Variants in NEGR1 observed in about 807,000 individuals in gnomAD.
NEGR1 encodes the protein IgLON family member 4.
Under a neutral mutation model 40.9 loss-of-function variants are expected in NEGR1, and 10 were observed. The ratio of observed to expected loss-of-function variants is 0.24; its 90% confidence interval spans 0.15 to 0.42. NEGR1 has a LOEUF of 0.42. NEGR1 is among the 10% of genes least tolerant of loss of function. The pLI is 1.00. For synonymous variants in NEGR1, 185 were observed against 166.8 expected, an observed-to-expected ratio of 1.11 and a Z score of -0.84; for missense variants, 352 against 438.9, an observed-to-expected ratio of 0.80 and a Z score of 1.77.
intron 1 of NEGR1, among the ~76,000 whole-genome samples, chr1:72,028,036 C>T (rs183357308): frequency 6.6e-6 from 1 of 152,322 alleles, no homozygotes; most frequent in East Asian, 1.9e-4. Flanking sequence ...CTGGTCCTGT[C>T]TCCAACCTAT....
At chr1:71,683,972 C>G (rs943185714) in intron 4 of NEGR1, among the ~76,000 whole-genome samples, 8 of 151,962 alleles carry the variant, frequency 5.3e-5, no homozygotes, top group African/African-American at 1.9e-4. Flanking sequence ...TCTGAGGATA[C>G]AAGATTTAAA....
At chr1:71,725,379 C>T (rs1365062894) in intron 3 of NEGR1, among the ~76,000 whole-genome samples, 1 of 152,088 alleles carries the variant, frequency 6.6e-6, no homozygotes, top group Non-Finnish European at 1.5e-5. Flanking sequence ...CTTGATCCGT[C>T]ATTGCAGATA....
At chr1:71,689,234 A>T (rs536022675) in intron 4 of NEGR1, among the ~76,000 whole-genome samples, 3 of 152,340 alleles carry the variant, frequency 2.0e-5, no homozygotes, top group Admixed American at 2.0e-4. Context: ...ATCCAGAATC[A>T]TTTGACTGAA....
chr1:71,638,113 C>T (rs974807978), intron 4 of NEGR1, among the ~76,000 whole-genome samples: 1 of 152,032 alleles, frequency 6.6e-6, no homozygotes, highest in African/African-American at 2.4e-5. Context: ...ATTACACTGA[C>T]AAAATATGGA....
At chr1:72,078,763 C>A (rs2100524021) in intron 1 of NEGR1, among the ~76,000 whole-genome samples, 1 of 151,088 alleles carries the variant, frequency 6.6e-6, no homozygotes, top group Non-Finnish European at 1.5e-5. Context: ...CCTCAGCCTC[C>A]CAAATAGCTG....
intron 1 of NEGR1, among the ~76,000 whole-genome samples, chr1:72,245,079 G>A (rs1280708403): frequency 2.0e-5 from 3 of 151,966 alleles, no homozygotes; most frequent in African/African-American, 7.2e-5. Flanking sequence ...ACCTAAGACA[G>A]GACAACCGTA....
At chr1:72,214,859 A>T (rs907180328) in intron 1 of NEGR1, among the ~76,000 whole-genome samples, 2 of 151,892 alleles carry the variant, frequency 1.3e-5, no homozygotes, top group East Asian at 3.9e-4. Context: ...CGAAAAAAAA[A>T]AAAATACTAA....
At chr1:72,063,657 T>A (rs1175898949) in intron 1 of NEGR1, among the ~76,000 whole-genome samples, 1 of 151,974 alleles carries the variant, frequency 6.6e-6, no homozygotes, top group Non-Finnish European at 1.5e-5. Context: ...GTGTTTTCTA[T>A]GATTTGTGAC....
intron 4 of NEGR1, among the ~76,000 whole-genome samples, chr1:71,674,794 C>A (rs1022983049): frequency 3.3e-5 from 5 of 152,020 alleles, no homozygotes; most frequent in Non-Finnish European, 7.4e-5. Context: ...CTTCTCTGAA[C>A]ATGTTATGTA....
intron 1 of NEGR1, among the ~76,000 whole-genome samples, chr1:72,005,450 T>C (rs1013947700): frequency 1.3e-5 from 2 of 152,150 alleles, no homozygotes; most frequent in Non-Finnish European, 2.9e-5. Flanking sequence ...TTCTTTCTCT[T>C]GACAAATTAT....
intron 1 of NEGR1, among the ~76,000 whole-genome samples, chr1:72,125,331 G>T (rs946208480): frequency 1.3e-4 from 19 of 151,878 alleles, no homozygotes; most frequent in Non-Finnish European, 1.5e-5. Flanking sequence ...AAAATATTTT[G>T]ATTTTAAAAT....
chr1:71,625,026 G>A (rs1368618703), intron 4 of NEGR1, among the ~76,000 whole-genome samples: 1 of 151,966 alleles, frequency 6.6e-6, no homozygotes, highest in Non-Finnish European at 1.5e-5. Flanking sequence ...TGTTATTGGT[G>A]TTTAAAGAAT....
At chr1:71,432,624 A>G (rs991485805) in intron 6 of NEGR1, among the ~76,000 whole-genome samples, 1 of 152,218 alleles carries the variant, frequency 6.6e-6, no homozygotes, top group African/African-American at 2.4e-5. Context: ...CTAAAAATGT[A>G]ACTGCATCTG....
At chr1:71,975,129 T>G (rs1475963779) in intron 1 of NEGR1, among the ~76,000 whole-genome samples, 4 of 152,168 alleles carry the variant, frequency 2.6e-5, no homozygotes, top group African/African-American at 9.6e-5. Flanking sequence ...AATTCAGAGT[T>G]TTCCAAAGAA....
intron 4 of NEGR1, among the ~76,000 whole-genome samples, chr1:71,651,093 C>T (rs923221820): frequency 2.6e-5 from 4 of 152,052 alleles, no homozygotes; most frequent in African/African-American, 9.7e-5. Flanking sequence ...GTATTAGGAA[C>T]TCAAAGAAAA....
intron 4 of NEGR1, among the ~76,000 whole-genome samples, chr1:71,671,621 A>G (rs1028783458): frequency 2.0e-5 from 3 of 152,114 alleles, no homozygotes; most frequent in African/African-American, 7.2e-5. Context: ...TCTCAACTCC[A>G]TCTTGGTCAG....
At chr1:71,986,713 T>A (rs557440526) in intron 1 of NEGR1, among the ~76,000 whole-genome samples, 3 of 152,316 alleles carry the variant, frequency 2.0e-5, no homozygotes, top group South Asian at 2.1e-4. Context: ...GGTAGACCTT[T>A]CCCTGATATC....
chr1:71,782,891 A>C (rs1238481169), intron 2 of NEGR1, among the ~76,000 whole-genome samples: 1 of 152,180 alleles, frequency 6.6e-6, no homozygotes, highest in Non-Finnish European at 1.5e-5. Context: ...AGCTTTTGCC[A>C]TGCAAACCCA....
intron 5 of NEGR1, among the ~76,000 whole-genome samples, chr1:71,600,450 C>A (rs1172659793): frequency 6.6e-6 from 1 of 152,130 alleles, no homozygotes; most frequent in Non-Finnish European, 1.5e-5. Context: ...TAGAAAAAAT[C>A]TCGTTGTGGT....
Sources: gnomAD v4.1 joint callset for allele counts (sites outside exome capture counted in the v4.1 genomes callset) on GRCh38, gnomAD v4.1.1 for gene constraint, MANE v1.5 for transcripts, NCBI Gene and HGNC (gene_info 2026-07-23, HGNC 2026-07-21) for gene names.